SCN2A: variants seen among roughly 807,000 people sequenced by gnomAD.
The protein encoded by SCN2A is sodium channel protein type 2 subunit alpha.
Under a neutral mutation model 188.7 loss-of-function variants are expected in SCN2A, and 20 were observed. The ratio of observed to expected loss-of-function variants is 0.11; its 90% CI spans 0.07 to 0.15. SCN2A has a LOEUF of 0.15. SCN2A is among the 10% of genes least tolerant of loss of function. The probability of loss-of-function intolerance (pLI) is 1.00; values close to 1 mark genes in which losing one functional copy is unlikely to be tolerated. For synonymous variants in SCN2A, 804 were observed against 833.1 expected (o/e 0.97, Z 0.60); for missense variants, 1,278 against 2,445.0 (o/e 0.52, Z 10.07).
intron 19 of SCN2A, among the ~76,000 whole-genome samples, chr2:165,368,865 C>A (rs1227702244): frequency 6.6e-6 from 1 of 152,024 alleles, no homozygotes; most frequent in South Asian, 2.1e-4. Flanking sequence ...GACTAAGAAT[C>A]CTGTGTCCTG....
chr2:165,295,930 G>A lies in SCN2A; in HGVS notation c.107G>A (p.Arg36Lys). 1 of 1,614,124 alleles carries A rather than the reference G, an allele frequency of 6.2e-7. No homozygotes were observed. The highest frequency in any genetic ancestry group is 1.1e-5 in the South Asian group (1 of 91,082). Reference protein sequence around the residue: ...EQRIAEEKAKRPKQERKDEDD... With the variant: ...EQRIAEEKAKKPKQERKDEDD... ...CGCATTGCAGAAGAGAAAGCTAAGA[G>A]ACCCAAACAGGAACGCAAGGATGAG... Residue 36 changes from arginine to lysine, a missense_variant, in exon 2 of 27, where the codon AGA becomes AAA. Arg to Lys is a conservative substitution (Grantham distance 26). Around this residue, in one of 17 missense-constraint regions of SCN2A, gnomAD observed 141 missense variants for 185.4 expected, o/e 0.76. Transcript: ENST00000375437.
At chr2:165,269,142 T>C (rs941167007) in intron 1 of SCN2A, 1 of 152,038 alleles carries the variant, frequency 6.6e-6, no homozygotes, top group African/African-American at 2.4e-5. Flanking sequence ...TATGTGTCGA[T>C]TTTAAATGTT....
chr2:165,244,933 T>C (rs1159376039), intron 1 of SCN2A, among the ~76,000 whole-genome samples: 1 of 151,826 alleles, frequency 6.6e-6, no homozygotes, highest in Non-Finnish European at 1.5e-5. Flanking sequence ...ACAACAGTTC[T>C]CTTAAGCATA....
chr2:165,291,827 C>T lies in SCN2A; in HGVS notation c.-51-3946C>T, dbSNP rs200199735. 5.9e-5 allele frequency among the ~76,000 whole-genome samples: 9 copies of T among 151,732 alleles called. No individual in the cohort carries two copies. In the East Asian group the frequency reaches 1.6e-3, roughly 26 times the overall value. On this transcript the variant is annotated intron_variant, in intron 1 of 26. Coordinates refer to ENST00000375437, the MANE Select transcript of SCN2A (RefSeq NM_001040142.2). Reference sequence around the variant, plus strand: ...CATAGGTTTCAAATGAGGACTCTTCCGTGTTTCAAGGCTACAGCATGTGGC... The same window carrying T: ...CATAGGTTTCAAATGAGGACTCTTCTGTGTTTCAAGGCTACAGCATGTGGC...
chr2:165,373,381 A>AT, intron 21 of SCN2A, 34 bp downstream of exon 21: 1 of 1,611,150 alleles, frequency 6.2e-7, no homozygotes, highest in South Asian at 1.1e-5. Flanking sequence ...TGTCAGAATT[A>AT]TTATTGAGAG....
chr2:165,299,653 G>T (rs776672355), intron 3 of SCN2A, among the ~76,000 whole-genome samples: 8 of 152,146 alleles, frequency 5.3e-5, no homozygotes, highest in Non-Finnish European at 1.2e-4. Flanking sequence ...GTATATAGAT[G>T]CTGTAGTTAG....
At chr2:165,261,766 T>C (rs1023311116) in intron 1 of SCN2A, among the ~76,000 whole-genome samples, 8 of 152,284 alleles carry the variant, frequency 5.3e-5, no homozygotes, top group African/African-American at 1.7e-4. Context: ...ACGATGTCAA[T>C]TGTGTTTTAG....
At chr2:165,267,958 T>G (rs1574470771) in intron 1 of SCN2A, 1 of 151,946 alleles carries the variant, frequency 6.6e-6, no homozygotes, top group South Asian at 2.1e-4. Context: ...TAAGCGTTGG[T>G]AAGGATGTGG....
chr2:165,331,275 C>A, intron 13 of SCN2A, 55 bp from the exon 14 acceptor site: 2 of 1,312,394 alleles, frequency 1.5e-6, no homozygotes, highest in Non-Finnish European at 2.2e-6. Flanking sequence ...TAAACCAAAT[C>A]TGCTTAATAG....
intron 17 of SCN2A, among the ~76,000 whole-genome samples, chr2:165,356,156 A>C (rs1700171339): frequency 6.6e-6 from 1 of 152,214 alleles, no homozygotes; most frequent in Non-Finnish European, 1.5e-5. Context: ...TGGGAAATTC[A>C]GACAATCTTT....
chr2:165,386,201 C>T (rs1411899499), intron 25 of SCN2A, among the ~76,000 whole-genome samples: 1 of 151,920 alleles, frequency 6.6e-6, no homozygotes, highest in Admixed American at 6.6e-5. Flanking sequence ...CATGGTGGCT[C>T]ATGCCTGTAA....
intron 1 of SCN2A, among the ~76,000 whole-genome samples, chr2:165,264,393 T>G (rs1404229205): frequency 6.6e-6 from 1 of 152,022 alleles, no homozygotes; most frequent in Non-Finnish European, 1.5e-5. Context: ...TTTGACAAAA[T>G]CCAACATCAC....
At chr2:165,299,156 GAA>G in intron 3 of SCN2A, among the ~76,000 whole-genome samples, 1 of 152,114 alleles carries the variant, frequency 6.6e-6, no homozygotes, top group East Asian at 1.9e-4. Flanking sequence ...AAACTCCCTG[GAA>G]AAGAGACTCC....
chr2:165,353,683 A>G (rs915497588), intron 16 of SCN2A, among the ~76,000 whole-genome samples: 1 of 152,156 alleles, frequency 6.6e-6, no homozygotes, highest in Admixed American at 6.5e-5. Flanking sequence ...GCAAGAGAGA[A>G]TGTGGGCAGG....
intron 16 of SCN2A, among the ~76,000 whole-genome samples, chr2:165,346,091 T>C (rs1023130442): frequency 9.9e-5 from 15 of 152,226 alleles, no homozygotes; most frequent in African/African-American, 3.4e-4. Flanking sequence ...GTTAGTCTGG[T>C]GGGCTTCCCT....
At position 165,365,197 on chromosome 2, in the gene SCN2A, G is replaced by T; in HGVS notation, c.3454G>T (p.Ala1152Ser). 1 of 1,613,760 alleles carries T rather than the reference G, an allele frequency of 6.2e-7. No individual in the cohort carries two copies. Among genetic ancestry groups the T allele is most frequent in the Non-Finnish European group, 8.5e-7 (1 of 1,179,778 alleles). The stretch of plus-strand genomic sequence containing the variant: ...CAGCACGGTTGATATTGGAGCTCCC[G>T]CCGAGGGAGAACAGCCTGAGGTTGA... ...EGSTVDIGAP[A>S]EGEQPEVEPE... Residue 1152 changes from alanine to serine, a missense_variant, in exon 18 of 27, where the codon GCC becomes TCC. Ala to Ser is a moderately conservative substitution (Grantham distance 99). Around this residue, in one of 17 missense-constraint regions of SCN2A, gnomAD observed 228 missense variants for 297.3 expected, o/e 0.77. Transcript: ENST00000375437.
At chr2:165,318,706 AAAAT>A (rs1375608007) in intron 11 of SCN2A, among the ~76,000 whole-genome samples, 3 of 152,200 alleles carry the variant, frequency 2.0e-5, no homozygotes, top group Non-Finnish European at 4.4e-5. Context: ...ACTGGCAGTT[AAAAT>A]ATAAACTCTT....
chr2:165,367,194 C>T, intron 18 of SCN2A, 23 bp from the exon 19 acceptor site: 1 of 1,613,464 alleles, frequency 6.2e-7, no homozygotes, highest in Non-Finnish European at 8.5e-7. Context: ...TTTTTGTCTT[C>T]ATTTTTTTCC....
rs1426214206 is a variant in SCN2A, at chr2:165,290,843, T to C, written c.-51-4930T>C. ...GTTGGTACACATGGAAGATATACCA[T>C]ATGTATATATCCCGATATTGATAAT... On this transcript the variant is annotated intron_variant, in intron 1 of 26. Transcript: ENST00000375437. 4 of 874,592 alleles carry C rather than the reference T, an allele frequency of 4.6e-6. No homozygotes were observed. The East Asian group carries it at 4.8e-4, about 105-fold the overall frequency. The allele number at this position is 874,592 out of a possible 1,614,324, so 54.2% of individuals were successfully genotyped here.
Sources: allele counts gnomAD v4.1 joint callset (sites outside exome capture counted in the v4.1 genomes callset), GRCh38; gene constraint gnomAD v4.1.1; regional missense constraint gnomAD v4.1.1; transcripts MANE v1.5; gene names NCBI Gene and HGNC (gene_info 2026-07-23, HGNC 2026-07-21).